The following CMTM6 variants were observed in gnomAD, a reference collection of about 807,000 sequenced individuals.
CMTM6 encodes CKLF-like MARVEL transmembrane domain-containing protein 6.
A neutral mutation model predicts 13.6 loss-of-function variants in CMTM6; 5 were observed. The observed-to-expected ratio is 0.37, with a 90% CI of 0.19 to 0.77. CMTM6 has a LOEUF of 0.77. Ranked by LOEUF, CMTM6 falls within the 30% of genes least tolerant of loss-of-function variation. The pLI is 0.50. For synonymous variants in CMTM6, 99 were observed against 84.5 expected, an observed-to-expected ratio of 1.17 and a Z score of -0.94; for missense variants, 196 against 218.6, an observed-to-expected ratio of 0.90 and a Z score of 0.65.
intron 1 of CMTM6, among the ~76,000 whole-genome samples, chr3:32,493,376 G>A (rs1697265291): frequency 6.6e-6 from 1 of 152,170 alleles, no homozygotes; most frequent in Non-Finnish European, 1.5e-5. Flanking sequence ...TGTATATGTG[G>A]TACTAACATA....
intron 3 of CMTM6, among the ~76,000 whole-genome samples, chr3:32,485,326 A>G (rs342766): frequency 0.4 from 60,889 of 151,856 alleles, 13,000 homozygotes; most frequent in African/African-American, 0.55. Flanking sequence ...TATAAATATC[A>G]GCTTTTTAAA....
At position 32,502,782 on chromosome 3, in the gene CMTM6, G is replaced by T. The variant is rs1396320467; in HGVS notation, c.-37C>A. ...GGGGAGCGCGGCGGCCGCAGCAACC[G>T]CGCCGTTGACTTCTCGGACTCCAGA... is the stretch of plus-strand genomic sequence containing the variant. On this transcript the variant is annotated 5_prime_UTR_variant, in exon 1 of 4. Coordinates refer to ENST00000205636, the MANE Select transcript of CMTM6 (RefSeq NM_017801.3). 7.1e-6 allele frequency: 10 copies of T among 1,399,088 alleles called. No homozygotes were observed. Among genetic ancestry groups the T allele is most frequent in the African/African-American group, 1.5e-5 (1 of 65,962 alleles). The allele number at this position is 1,399,088 out of a possible 1,614,324, so 86.7% of individuals were successfully genotyped here. A position where few individuals can be genotyped will look rare whatever the true frequency, so the allele number is the denominator to read the frequency against.
chr3:32,502,668 A>T lies in CMTM6; in HGVS notation c.78T>A (p.Ala26=). ...GGAGCCGGCCCATGAAAAAGTAGGC[A>T]GCGAGGCCGCTCCGGGGGCCTCTGG... is the stretch of plus-strand genomic sequence containing the variant. ...GPARGPRSGL[A]AYFFMGRLPL... The change falls in exon 1 of 4, where the codon GCT becomes GCA. Residue 26 remains alanine, a synonymous_variant. Coordinates refer to ENST00000205636, the MANE Select transcript of CMTM6 (RefSeq NM_017801.3). 6.3e-7 allele frequency: 1 copy of T among 1,590,870 alleles called. No individual in the cohort carries two copies. The highest frequency in any genetic ancestry group is 8.5e-7 in the Non-Finnish European group (1 of 1,170,486).
intron 1 of CMTM6, among the ~76,000 whole-genome samples, chr3:32,493,964 T>A (rs773711853): frequency 6.6e-6 from 1 of 152,026 alleles, no homozygotes. Flanking sequence ...AGAGACAGCA[T>A]AGGCAATAAG....
chr3:32,502,516 C>G lies in CMTM6; in HGVS notation c.138+92G>C, dbSNP rs77589328. On this transcript the variant is annotated intron_variant, in intron 1 of 3. Transcript: ENST00000205636. Reference sequence around the variant, plus strand: ...GTGGAAACCTCCTTTTACTGAACAACCAAGCTGAAACGAAGGAGCTCGGCG... The same window carrying G: ...GTGGAAACCTCCTTTTACTGAACAAGCAAGCTGAAACGAAGGAGCTCGGCG... The G allele has an allele frequency of 2.8e-4, 420 of 1,490,354 alleles. No individual in the cohort carries two copies. The African/African-American group carries it at 5.5e-3, about 19-fold the overall frequency. 92.3% of individuals were successfully genotyped at this position (1,490,354 alleles called of 1,614,324 possible). A position where few individuals can be genotyped will look rare whatever the true frequency, so the allele number is the denominator to read the frequency against.
At chr3:32,490,261 ATTC>A (rs1338887637) in intron 2 of CMTM6, among the ~76,000 whole-genome samples, 1 of 151,848 alleles carries the variant, frequency 6.6e-6, no homozygotes, top group Non-Finnish European at 1.5e-5. Flanking sequence ...AAAAAAAGTT[ATTC>A]TTCTTTAGGC....
chr3:32,484,150 C>A lies in CMTM6; in HGVS notation c.415-53G>T, dbSNP rs551786841. 3.3e-5 allele frequency: 45 copies of A among 1,354,134 alleles called. No individual in the cohort carries two copies. In the East Asian group the frequency reaches 1.2e-3, roughly 35 times the overall value. The allele number at this position is 1,354,134 out of a possible 1,614,324, so 83.9% of individuals were successfully genotyped here. A position where few individuals can be genotyped will look rare whatever the true frequency, so the allele number is the denominator to read the frequency against. On this transcript the variant is annotated intron_variant, in intron 3 of 3. Coordinates refer to ENST00000205636, the MANE Select transcript of CMTM6 (RefSeq NM_017801.3). ...ATGAGAATTTTGGAATATAATCTTA[C>A]ATTTCCTACTTGGCTTGGAGAATGT...
At chr3:32,498,888 T>C (rs1056544409) in intron 1 of CMTM6, among the ~76,000 whole-genome samples, 7 of 152,048 alleles carry the variant, frequency 4.6e-5, no homozygotes, top group African/African-American at 9.7e-5. Context: ...TCAGTTTCAC[T>C]ACCTTTTCTG....
At position 32,482,527 on chromosome 3, in the gene CMTM6, TAGG is replaced by T. The variant is rs1024784328; in HGVS notation, c.*1430_*1432del. ...ACACTAGAGTCCCAAGTCAAAACTC[TAGG>T]AGGAGGATAAGAAAGGTCTAGTCTG... On this transcript the variant is annotated 3_prime_UTR_variant, in exon 4 of 4. Transcript: ENST00000205636. 6.6e-6 allele frequency: 1 copy of T among 151,988 alleles called. No homozygotes were observed. The highest frequency in any genetic ancestry group is 2.4e-5 in the African/African-American group (1 of 41,366). 9.4% of individuals were successfully genotyped at this position (151,988 alleles called of 1,614,324 possible). A position where few individuals can be genotyped will look rare whatever the true frequency, so the allele number is the denominator to read the frequency against.
intron 1 of CMTM6, among the ~76,000 whole-genome samples, chr3:32,497,282 G>A (rs1158666855): frequency 1.3e-5 from 2 of 151,160 alleles, no homozygotes; most frequent in Non-Finnish European, 2.9e-5. Flanking sequence ...CTACTCGGGA[G>A]GCTGAGGCAG....
intron 1 of CMTM6, among the ~76,000 whole-genome samples, chr3:32,492,390 T>C (rs1264913437): frequency 6.6e-6 from 1 of 152,136 alleles, no homozygotes. Context: ...GGCTTAAGTA[T>C]AGAGTTTAAG....
intron 3 of CMTM6, among the ~76,000 whole-genome samples, chr3:32,485,534 A>T (rs1384139382): frequency 1.3e-5 from 2 of 152,176 alleles, no homozygotes; most frequent in Admixed American, 6.5e-5. Flanking sequence ...AAAATTAAAA[A>T]TGAGTTAAAA....
chr3:32,498,193 C>CA (rs1451060985), intron 1 of CMTM6, among the ~76,000 whole-genome samples: 1 of 152,088 alleles, frequency 6.6e-6, no homozygotes. Flanking sequence ...CTTTTAATGT[C>CA]AGGAGGGCCC....
rs981722406 is a variant in CMTM6 at position 32,483,851 on chromosome 3, C to T, written c.*109G>A. 26 of 1,146,858 alleles carry T rather than the reference C, an allele frequency of 2.3e-5. No individual in the cohort carries two copies. The highest frequency in any genetic ancestry group is 2.9e-5 in the Non-Finnish European group (25 of 862,210). 71.0% of individuals were successfully genotyped at this position (1,146,858 alleles called of 1,614,324 possible). A position where few individuals can be genotyped will look rare whatever the true frequency, so the allele number is the denominator to read the frequency against. On this transcript the variant is annotated 3_prime_UTR_variant, in exon 4 of 4. Transcript: ENST00000205636. ...GCCTTCTTGACCTTCCCCTTGCTCTCCAAAAGAAGTGGTTTAAACAATTAA... is the reference window on the plus strand; with the variant it reads ...GCCTTCTTGACCTTCCCCTTGCTCTTCAAAAGAAGTGGTTTAAACAATTAA...
chr3:32,497,725 G>A (rs568097350), intron 1 of CMTM6, among the ~76,000 whole-genome samples: 84 of 151,952 alleles, frequency 5.5e-4, no homozygotes, highest in African/African-American at 1.9e-3. Context: ...GGGCATGGTG[G>A]TGCACGCCTG....
intron 1 of CMTM6, among the ~76,000 whole-genome samples, chr3:32,494,502 G>A (rs1697273543): frequency 6.6e-6 from 1 of 152,176 alleles, no homozygotes; most frequent in Non-Finnish European, 1.5e-5. Context: ...ATATGACCCA[G>A]AAATAGAACT....
chr3:32,500,771 T>A (rs1697337638), intron 1 of CMTM6, among the ~76,000 whole-genome samples: 1 of 152,192 alleles, frequency 6.6e-6, no homozygotes, highest in Admixed American at 6.5e-5. Flanking sequence ...TACTAAACTA[T>A]AAGAAGGTAA....
At position 32,483,705 on chromosome 3, in the gene CMTM6, T is replaced by C. The variant is rs1697175376; in HGVS notation, c.*255A>G. The C allele has an allele frequency of 1.5e-5, 4 of 268,478 alleles. No individual in the cohort carries two copies. Among genetic ancestry groups the C allele is most frequent in the Middle Eastern group, 1.1e-3 (1 of 934 alleles). 16.6% of individuals were successfully genotyped at this position (268,478 alleles called of 1,614,324 possible). A position where few individuals can be genotyped will look rare whatever the true frequency, so the allele number is the denominator to read the frequency against. ...TTGAGCTGTGTGATTTAAAAACAAT[T>C]GTTTTCTCCTCCTCCCACCAAAATC... On this transcript the variant is annotated 3_prime_UTR_variant, in exon 4 of 4. Transcript: ENST00000205636.
At chr3:32,488,063 G>A in intron 2 of CMTM6, 27 bp from the exon 3 acceptor site, 1 of 1,408,956 alleles carries the variant, frequency 7.1e-7, no homozygotes, top group Non-Finnish European at 1.0e-6. Context: ...AACACAAAAG[G>A]AATACAATAC....
Sources: gnomAD v4.1 joint callset for allele counts (sites outside exome capture counted in the v4.1 genomes callset) on GRCh38, gnomAD v4.1.1 for gene constraint, MANE v1.5 for transcripts, NCBI Gene and HGNC (gene_info 2026-07-23, HGNC 2026-07-21) for gene names.